PAPPA: variants seen among roughly 807,000 people sequenced by gnomAD.
The protein encoded by PAPPA is pappalysin 1.
PAPPA carries 60 observed loss-of-function variants against 164.0 expected under a neutral mutation model. The ratio of observed to expected loss-of-function variants is 0.37; its 90% CI spans 0.30 to 0.45. The LOEUF (loss-of-function observed/expected upper bound fraction) is 0.45. Among genes scored for constraint, PAPPA ranks in the 20% least tolerant of loss-of-function variants. The probability of loss-of-function intolerance (pLI) is 1.00; values close to 1 mark genes in which losing one functional copy is unlikely to be tolerated. For synonymous variants in PAPPA, 875 were observed against 814.1 expected (o/e 1.07, Z -1.27); for missense variants, 1,782 against 2,087.3 (o/e 0.85, Z 2.85).
At chr9:116,373,959 G>C (rs1011374926) in intron 19 of PAPPA, among the ~76,000 whole-genome samples, 1 of 152,074 alleles carries the variant, frequency 6.6e-6, no homozygotes, top group Non-Finnish European at 1.5e-5. Flanking sequence ...TCTGAGCCCA[G>C]GGCTTAGAGC....
At chr9:116,167,058 T>C (rs1843726764) in intron 1 of PAPPA, among the ~76,000 whole-genome samples, 1 of 152,190 alleles carries the variant, frequency 6.6e-6, no homozygotes, top group Non-Finnish European at 1.5e-5. Context: ...ATATGCAAAG[T>C]ATATTTTATT....
At chr9:116,289,109 G>C (rs1418538558) in intron 9 of PAPPA, among the ~76,000 whole-genome samples, 1 of 84,296 alleles carries the variant, frequency 1.2e-5, no homozygotes, top group Non-Finnish European at 2.2e-5. Flanking sequence ...TTGCAGAATA[G>C]ATATGCATAT....
intron 2 of PAPPA, among the ~76,000 whole-genome samples, chr9:116,205,535 G>A (rs777825808): frequency 2.6e-5 from 4 of 152,124 alleles, no homozygotes; most frequent in Non-Finnish European, 5.9e-5. Context: ...CCCATGCATT[G>A]TTTCTCTTTT....
chr9:116,208,129 A>G (rs1304761465), intron 3 of PAPPA, among the ~76,000 whole-genome samples: 1 of 152,224 alleles, frequency 6.6e-6, no homozygotes, highest in Admixed American at 6.5e-5. Context: ...TCTTACATTC[A>G]AATTATACAT....
At chr9:116,247,080 G>A (rs1216509415) in intron 7 of PAPPA, among the ~76,000 whole-genome samples, 1 of 152,224 alleles carries the variant, frequency 6.6e-6, no homozygotes, top group African/African-American at 2.4e-5. Flanking sequence ...GGAAGGAGAT[G>A]ATGGGTCTTG....
At chr9:116,219,394 T>A (rs1844414484) in intron 4 of PAPPA, among the ~76,000 whole-genome samples, 1 of 152,200 alleles carries the variant, frequency 6.6e-6, no homozygotes, top group Non-Finnish European at 1.5e-5. Context: ...TCAGAAGGTT[T>A]GTTTGAAGGG....
chr9:116,356,894 G>A (rs780454356), intron 17 of PAPPA, among the ~76,000 whole-genome samples: 3 of 152,114 alleles, frequency 2.0e-5, no homozygotes, highest in Non-Finnish European at 2.9e-5. Flanking sequence ...AAACCACCAT[G>A]GCACCTGTAT....
chr9:116,362,939 AGT>A (rs1173131685), intron 18 of PAPPA, among the ~76,000 whole-genome samples, 200 bp downstream of exon 18: 1 of 152,204 alleles, frequency 6.6e-6, no homozygotes, highest in African/African-American at 2.4e-5. Context: ...ATGGTGGGTG[AGT>A]GTGCACAGTT....
chr9:116,194,651 G>C (rs1844082584), intron 2 of PAPPA, among the ~76,000 whole-genome samples: 1 of 152,134 alleles, frequency 6.6e-6, no homozygotes, highest in Non-Finnish European at 1.5e-5. Context: ...GGTGATAGCA[G>C]CTATCCTGTG....
intron 21 of PAPPA, among the ~76,000 whole-genome samples, chr9:116,390,627 A>G (rs1042172982): frequency 2.0e-5 from 3 of 152,130 alleles, no homozygotes; most frequent in African/African-American, 7.2e-5. Flanking sequence ...ATGGCTAAGC[A>G]CACTAGACTA....
intron 9 of PAPPA, among the ~76,000 whole-genome samples, chr9:116,293,159 A>T (rs73514248): frequency 0.037 from 5,660 of 152,298 alleles, 374 homozygotes; most frequent in African/African-American, 0.13. Context: ...GAATAACACT[A>T]GTTTAGATAA....
chr9:116,160,426 A>G lies in PAPPA; in HGVS notation c.415+5839A>G, dbSNP rs77678641. 7.1e-3 allele frequency among the ~76,000 whole-genome samples: 1,084 copies of G among 152,324 alleles called. 47 individuals carry two copies. The highest frequency in any genetic ancestry group is 0.055 in the Admixed American group (837 of 15,304). On this transcript the variant is annotated intron_variant, in intron 1 of 21. Transcript: ENST00000328252. ...GAGAGAGAAGCCTCTTTGAACAGGA[A>G]GGATTATAAGAAAGGGAAGCTCAGC...
At chr9:116,285,175 T>C (rs866284754) in intron 9 of PAPPA, among the ~76,000 whole-genome samples, 45 of 135,728 alleles carry the variant, frequency 3.3e-4, no homozygotes, top group South Asian at 1.5e-3. Context: ...TTCTTTCTTT[T>C]TTTTTTTTTT....
At chr9:116,370,945 G>C (rs1337567418) in intron 19 of PAPPA, among the ~76,000 whole-genome samples, 2 of 152,114 alleles carry the variant, frequency 1.3e-5, no homozygotes, top group African/African-American at 4.8e-5. Flanking sequence ...TCTAGTGTAA[G>C]CTCTGGTGCC....
At chr9:116,182,413 C>T (rs1429460814) in intron 1 of PAPPA, among the ~76,000 whole-genome samples, 1 of 152,112 alleles carries the variant, frequency 6.6e-6, no homozygotes, top group East Asian at 1.9e-4. Flanking sequence ...AAGCACAGAT[C>T]TTGAATGAGT....
chr9:116,263,425 TG>T lies in PAPPA; in HGVS notation c.2733-2430del, dbSNP rs555858784. 3.3e-5 allele frequency among the ~76,000 whole-genome samples: 5 copies of T among 152,292 alleles called. No individual in the cohort carries two copies. The South Asian group carries it at 1.0e-3, about 32-fold the overall frequency. ...AAGCCACGGCACACATGGTAGATGATGGCTGCATCTTCACGGGTTTGCCTCA... is the reference window on the plus strand; with the variant it reads ...AAGCCACGGCACACATGGTAGATGATGCTGCATCTTCACGGGTTTGCCTCA... On this transcript the variant is annotated intron_variant, in intron 7 of 21. Transcript: ENST00000328252.
intron 7 of PAPPA, among the ~76,000 whole-genome samples, chr9:116,238,817 A>G (rs765170534): frequency 9.9e-5 from 15 of 152,184 alleles, no homozygotes; most frequent in Non-Finnish European, 2.1e-4. Context: ...CTGAAAAAAG[A>G]GAAACACATC....
At chr9:116,346,688 T>C (rs1846214028) in intron 14 of PAPPA, among the ~76,000 whole-genome samples, 1 of 152,188 alleles carries the variant, frequency 6.6e-6, no homozygotes, top group South Asian at 2.1e-4. Context: ...AACCTCAAGA[T>C]TCTCATCAAT....
Position 116,230,272 on chromosome 9 carries a change from C to A in PAPPA, c.2233+2720C>A, listed in dbSNP as rs117619489. On this transcript the variant is annotated intron_variant, in intron 6 of 21. Coordinates refer to ENST00000328252, the MANE Select transcript of PAPPA (RefSeq NM_002581.5). ...TGAAGAAATAAACTTTTCCATGAGCCAAACTCTGCAATTTATTTCTCAACT... is the reference window on the plus strand; with the variant it reads ...TGAAGAAATAAACTTTTCCATGAGCAAAACTCTGCAATTTATTTCTCAACT... Among the ~76,000 whole-genome samples, 1,487 of 152,284 alleles carry A rather than the reference C, an allele frequency of 9.8e-3. 16 individuals are homozygous for A. The highest frequency in any genetic ancestry group is 0.024 in the Middle Eastern group (7 of 294).
Sources: gnomAD v4.1 joint callset for allele counts (sites outside exome capture counted in the v4.1 genomes callset) on GRCh38, gnomAD v4.1.1 for gene constraint, MANE v1.5 for transcripts, NCBI Gene and HGNC (gene_info 2026-07-23, HGNC 2026-07-21) for gene names.